LUC7L2: variants seen among roughly 807,000 people sequenced by gnomAD.
LUC7L2 encodes putative RNA-binding protein Luc7-like 2.
A neutral mutation model predicts 52.8 loss-of-function variants in LUC7L2; 25 were observed. The observed-to-expected ratio is 0.47, with a 90% CI of 0.34 to 0.66. The LOEUF is 0.66. LUC7L2 is among the 30% of genes least tolerant of loss of function. The pLI, the probability that LUC7L2 is intolerant of heterozygous loss-of-function variation, is 0.01. For synonymous variants in LUC7L2, 144 were observed against 160.9 expected, an observed-to-expected ratio of 0.89 and a Z score of 0.80; for missense variants, 328 against 497.8, an observed-to-expected ratio of 0.66 and a Z score of 3.25.
chr7:139,344,641 T>G (rs926459476), intron 1 of LUC7L2, among the ~76,000 whole-genome samples: 2 of 152,056 alleles, frequency 1.3e-5, no homozygotes, highest in Admixed American at 1.3e-4. Context: ...CCTTCATTTG[T>G]TACTATTTAG....
At chr7:139,397,763 G>A (rs141992783) in intron 2 of LUC7L2, among the ~76,000 whole-genome samples, 1 of 152,194 alleles carries the variant, frequency 6.6e-6, no homozygotes, top group African/African-American at 2.4e-5. Flanking sequence ...TAGATATTTT[G>A]TCTCAGATAT....
At chr7:139,382,463 A>G (rs895311765) in intron 2 of LUC7L2, among the ~76,000 whole-genome samples, 4 of 152,096 alleles carry the variant, frequency 2.6e-5, no homozygotes, top group South Asian at 2.1e-4. Context: ...GCTCACTGCA[A>G]CCTCTCCCTC....
Position 139,423,044 on chromosome 7 carries a change from C to T in LUC7L2, c.*704C>T. The T allele has an allele frequency of 2.5e-6, 1 of 398,728 alleles. No homozygotes were observed. Among genetic ancestry groups the T allele is most frequent in the Non-Finnish European group, 4.4e-6 (1 of 226,014 alleles). The allele number at this position is 398,728 out of a possible 1,614,324, so 24.7% of individuals were successfully genotyped here. ...TTCAGGATGTTCTAGGGGGTGGGGG[C>T]AGGGACTCTTTTCGTAATAAGCACT... On this transcript the variant is annotated 3_prime_UTR_variant, in exon 10 of 10. Transcript: ENST00000354926.
In LUC7L2 at chr7:139,345,570, C is replaced by T. The variant is rs201341963; in HGVS notation, c.-26+5053C>T. 1.5e-5 allele frequency: 24 copies of T among 1,614,152 alleles called. No homozygotes were observed. In the East Asian group the frequency reaches 4.5e-4, roughly 30 times the overall value. On this transcript the variant is annotated intron_variant, in intron 1 of 10. Coordinates refer to the LUC7L2 transcript ENST00000541170. The stretch of plus-strand genomic sequence containing the variant: ...CCAAGCTGCCACCTATCTCTGCCTC[C>T]TGCGTAGCATCCGGAAACATGTGGC...
intron 2 of LUC7L2, among the ~76,000 whole-genome samples, chr7:139,381,469 G>A (rs1192089184): frequency 6.6e-6 from 1 of 151,290 alleles, no homozygotes; most frequent in Non-Finnish European, 1.5e-5. Context: ...GAGTGCAGTG[G>A]TGCCATCTCG....
rs966369278 is a variant in LUC7L2, at chr7:139,360,120, C to T, written c.-142C>T. Reference sequence around the variant, plus strand: ...GTCCGGACTCTTCCCGCAACCCCTCCGGCTCCCTTTCCGCACGCCTCGAGG... The same window carrying T: ...GTCCGGACTCTTCCCGCAACCCCTCTGGCTCCCTTTCCGCACGCCTCGAGG... On this transcript the variant is annotated 5_prime_UTR_variant, in exon 1 of 10. Coordinates refer to ENST00000354926, the MANE Select transcript of LUC7L2 (RefSeq NM_016019.5). 3.3e-6 allele frequency: 2 copies of T among 610,246 alleles called. No individual in the cohort carries two copies. Among genetic ancestry groups the T allele is most frequent in the Admixed American group, 6.0e-5 (2 of 33,430 alleles). The allele number at this position is 610,246 out of a possible 1,614,324, so 37.8% of individuals were successfully genotyped here.
At chr7:139,385,517 C>T (rs1012043646) in intron 2 of LUC7L2, among the ~76,000 whole-genome samples, 9 of 151,908 alleles carry the variant, frequency 5.9e-5, no homozygotes, top group African/African-American at 2.2e-4. Context: ...GAGAGACTCT[C>T]GCCATGCTGT....
intron 7 of LUC7L2, among the ~76,000 whole-genome samples, chr7:139,411,069 T>C (rs1205669814): frequency 1.3e-5 from 2 of 152,194 alleles, no homozygotes; most frequent in African/African-American, 2.4e-5. Context: ...AGTGGAATTT[T>C]CAGTAATATT....
Position 139,391,526 on chromosome 7 carries a change from G to A in LUC7L2, c.157-7073G>A, listed in dbSNP as rs747443021. On this transcript the variant is annotated intron_variant, in intron 2 of 9. Transcript: ENST00000354926. The stretch of plus-strand genomic sequence containing the variant: ...TTGCTCTACTGTAATATGTCTATTC[G>A]TTGATTTTAATGTATAGTTTTCACA... 4.6e-5 allele frequency among the ~76,000 whole-genome samples: 7 copies of A among 151,982 alleles called. No individual in the cohort carries two copies. The East Asian group carries it at 5.8e-4, about 13-fold the overall frequency.
chr7:139,414,968 C>A (rs1411841612), intron 8 of LUC7L2, among the ~76,000 whole-genome samples: 1 of 151,996 alleles, frequency 6.6e-6, no homozygotes, highest in East Asian at 1.9e-4. Flanking sequence ...CTCACTGCAA[C>A]CTCCGCCTCC....
chr7:139,389,160 C>CT (rs1216147843), intron 2 of LUC7L2, among the ~76,000 whole-genome samples: 1 of 150,792 alleles, frequency 6.6e-6, no homozygotes, highest in African/African-American at 2.4e-5. Context: ...CTTGTAATAT[C>CT]TTTTCTTGCC....
chr7:139,368,452 A>C (rs1233938134), intron 1 of LUC7L2, among the ~76,000 whole-genome samples: 1 of 152,194 alleles, frequency 6.6e-6, no homozygotes, highest in Non-Finnish European at 1.5e-5. Flanking sequence ...AAAAATGGAT[A>C]AAGAGGCCGG....
In LUC7L2 at chr7:139,360,186, C is replaced by T; in HGVS notation, c.-76C>T. ...AGACAGCAGCGCACCTTCCCCCATC[C>T]CTTCCCCTTATCCCCCAGCCCAAAA... On this transcript the variant is annotated 5_prime_UTR_variant, in exon 1 of 10. Coordinates refer to ENST00000354926, the MANE Select transcript of LUC7L2 (RefSeq NM_016019.5). The T allele has an allele frequency of 8.6e-7, 1 of 1,168,348 alleles. No homozygotes were observed. The highest frequency in any genetic ancestry group is 1.3e-5 in the South Asian group (1 of 75,226). 72.4% of individuals were successfully genotyped at this position (1,168,348 alleles called of 1,614,324 possible). A position where few individuals can be genotyped will look rare whatever the true frequency, so the allele number is the denominator to read the frequency against.
chr7:139,384,114 G>T (rs1472234785), intron 2 of LUC7L2, among the ~76,000 whole-genome samples: 1 of 152,074 alleles, frequency 6.6e-6, no homozygotes, highest in Non-Finnish European at 1.5e-5. Context: ...TGAAAAATCA[G>T]TCTGTAAATT....
chr7:139,408,800 C>G (rs968723602), intron 6 of LUC7L2, among the ~76,000 whole-genome samples: 2 of 148,748 alleles, frequency 1.3e-5, no homozygotes, highest in African/African-American at 5.0e-5. Context: ...TGAGATTGTG[C>G]CACTGCACTC....
chr7:139,364,710 T>C (rs1221870940), intron 1 of LUC7L2, among the ~76,000 whole-genome samples: 1 of 152,244 alleles, frequency 6.6e-6, no homozygotes, highest in Non-Finnish European at 1.5e-5. Flanking sequence ...ATCTGTAAGA[T>C]AGTATGACAT....
At chr7:139,411,612 C>CTA (rs1795362285) in intron 7 of LUC7L2, among the ~76,000 whole-genome samples, 1 of 151,966 alleles carries the variant, frequency 6.6e-6, no homozygotes, top group African/African-American at 2.4e-5. Flanking sequence ...TTCAACAATG[C>CTA]TATATATCAT....
At chr7:139,378,741 CTG>C (rs958966461) in intron 2 of LUC7L2, among the ~76,000 whole-genome samples, 3 of 152,180 alleles carry the variant, frequency 2.0e-5, no homozygotes, top group Admixed American at 6.5e-5. Flanking sequence ...AGCCATAGCT[CTG>C]TAATTATAAG....
chr7:139,372,353 A>G (rs1057503945), intron 1 of LUC7L2, among the ~76,000 whole-genome samples: 1 of 152,182 alleles, frequency 6.6e-6, no homozygotes, highest in Non-Finnish European at 1.5e-5. Context: ...GCAATTCTAC[A>G]TGAAGCCATT....
Sources: allele counts gnomAD v4.1 joint callset (sites outside exome capture counted in the v4.1 genomes callset), GRCh38; gene constraint gnomAD v4.1.1; transcripts MANE v1.5; gene names NCBI Gene and HGNC (gene_info 2026-07-23, HGNC 2026-07-21).